Variants in RMND5B observed in about 807,000 individuals in gnomAD.
RMND5B encodes the protein E3 ubiquitin-protein transferase RMND5B.
In RMND5B, 42 loss-of-function variants were observed where a neutral mutation model predicts 50.4. The ratio of observed to expected loss-of-function variants is 0.83; its 90% CI spans 0.65 to 1.08. RMND5B has a LOEUF of 1.08. Among genes scored for constraint, RMND5B ranks in the 50% least tolerant of loss-of-function variants. The pLI, the probability that RMND5B is intolerant of heterozygous loss-of-function variation, is 0.00. For missense variants in RMND5B, 463 were observed against 508.5 expected (o/e 0.91, Z 0.86); for synonymous variants, 220 against 210.0 (o/e 1.05, Z -0.41).
chr5:178,131,471 C>T (rs1263584156), intron 2 of RMND5B, 95 bp downstream of exon 2: 1 of 152,156 alleles, frequency 6.6e-6, no homozygotes, highest in Admixed American at 6.5e-5. Context: ...GGTGAAACTC[C>T]CAGTAGGCGC....
Position 178,142,939 on chromosome 5 carries a change from G to A in RMND5B, c.373G>A (p.Val125Met), listed in dbSNP as rs746984690. ...GCAGCAGATCCTGCAGATGGCCATCGTGGAACACCTGTATCAGCAGGGCAT... is the reference window on the plus strand; with the variant it reads ...GCAGCAGATCCTGCAGATGGCCATCATGGAACACCTGTATCAGCAGGGCAT... Reference protein sequence around the residue: ...QQQQILQMAIVEHLYQQGMLS... With the variant: ...QQQQILQMAIMEHLYQQGMLS... Residue 125 changes from valine (V) to methionine (M), a missense_variant, in exon 5 of 11, where the codon GTG becomes ATG. Transcript: ENST00000313386. 14 of 1,614,214 alleles carry A rather than the reference G, an allele frequency of 8.7e-6. No individual in the cohort carries two copies. The highest frequency in any genetic ancestry group is 2.2e-5 in the East Asian group (1 of 44,882).
At chr5:178,144,364 C>G (rs1755864391) in intron 7 of RMND5B, among the ~76,000 whole-genome samples, 1 of 152,066 alleles carries the variant, frequency 6.6e-6, no homozygotes, top group Non-Finnish European at 1.5e-5. Context: ...TGCGCCACAC[C>G]ACACTCATTT....
rs1454189657 is a variant in RMND5B at position 178,137,188 on chromosome 5, G to T, written c.-12-920G>T. On this transcript the variant is annotated intron_variant, in intron 2 of 10. Transcript: ENST00000313386. This position sits in a 1 kb window ranked among gnomAD's most constrained non-coding sequence, Gnocchi z 4.4. ...GGGCACGCAGCTATGAGACAGCAAG[G>T]GTTCTGTGCCTGTCCTCGGGTGTGC... is the stretch of plus-strand genomic sequence containing the variant. Among the ~76,000 whole-genome samples, 3 of 152,126 alleles carry T rather than the reference G, an allele frequency of 2.0e-5. No individual in the cohort carries two copies. The East Asian group carries it at 5.8e-4, about 29-fold the overall frequency.
chr5:178,138,162 C>T lies in RMND5B; in HGVS notation c.43C>T (p.Leu15=). 2 of 1,613,066 alleles carry T rather than the reference C, an allele frequency of 1.2e-6. No homozygotes were observed. The highest frequency in any genetic ancestry group is 1.7e-6 in the Non-Finnish European group (2 of 1,179,574). The change falls in exon 3 of 11, where the codon CTG becomes TTG. Residue 15 remains leucine (L), a synonymous_variant. Coordinates refer to ENST00000313386, the MANE Select transcript of RMND5B (RefSeq NM_022762.5). This position sits in a 1 kb window ranked among gnomAD's most constrained non-coding sequence, Gnocchi z 5.1. ...CGTGGAGAGAGAGCTGGACAAGGTC[C>T]TGCAGAAGTTCCTGACCTACGGGCA... ...ACVERELDKV[L]QKFLTYGQHC... is the part of the protein sequence containing the mutation.
chr5:178,146,222 T>A lies in RMND5B; in HGVS notation c.803T>A (p.Phe268Tyr). The A allele has an allele frequency of 1.9e-6, 3 of 1,614,186 alleles. No individual in the cohort carries two copies. The highest frequency in any genetic ancestry group is 2.5e-6 in the Non-Finnish European group (3 of 1,180,014). ...CACTGGGCAGAGATCTGTGAGACCT[T>A]TACCCGGGACGCCTGTTCCCTGCTG... is the stretch of plus-strand genomic sequence containing the variant. The part of the protein sequence containing the change: ...SSHWAEICET[F>Y]TRDACSLLGL... Residue 268 changes from phenylalanine (F) to tyrosine (Y), a missense_variant, in exon 8 of 11, where the codon TTT becomes TAT. Coordinates refer to ENST00000313386, the MANE Select transcript of RMND5B (RefSeq NM_022762.5).
chr5:178,140,113 ATTTG>A (rs1758839099), intron 3 of RMND5B, among the ~76,000 whole-genome samples: 1 of 152,156 alleles, frequency 6.6e-6, no homozygotes, highest in African/African-American at 2.4e-5. Flanking sequence ...TTCAGAAGTG[ATTTG>A]TTTCTCAGTG....
chr5:178,146,122 G>GTGAT lies in RMND5B; in HGVS notation c.704_707dup (p.Met236IlefsTer32). ...CTCTGGTTGCCTTGTAGAGATCCAG[G>GTGAT]TGATGATGGGCAGCCTGGTGTACCT... On this transcript the variant is annotated frameshift_variant, in exon 8 of 11. Coordinates refer to ENST00000313386, the MANE Select transcript of RMND5B (RefSeq NM_022762.5). LOFTEE classifies it high-confidence loss of function. 6.2e-7 allele frequency: 1 copy of GTGAT among 1,614,092 alleles called. No individual in the cohort carries two copies. The highest frequency in any genetic ancestry group is 8.5e-7 in the Non-Finnish European group (1 of 1,180,008).
At position 178,146,256 on chromosome 5, in the gene RMND5B, T is replaced by C. The variant is rs1039161392; in HGVS notation, c.837T>C (p.Ser279=). ...TRDACSLLGL[S]VESPLSVSFA... The stretch of plus-strand genomic sequence containing the variant: ...ACGCCTGTTCCCTGCTGGGGCTTTC[T>C]GTGGAGTCCCCCCTTAGCGTCAGGT... The change falls in exon 8 of 11, where the codon TCT becomes TCC. Residue 279 remains serine (S), a synonymous_variant. Coordinates refer to ENST00000313386, the MANE Select transcript of RMND5B (RefSeq NM_022762.5). The C allele has an allele frequency of 1.9e-6, 3 of 1,614,176 alleles. No individual in the cohort carries two copies. In the East Asian group the frequency reaches 6.7e-5, roughly 36 times the overall value.
At position 178,148,474 on chromosome 5, in the gene RMND5B, C is replaced by T. The variant is rs1004185079; in HGVS notation, c.*442C>T. ...CCTCTTCCTCCCACTACAGCCTCAA[C>T]AGTATGTACCATCTCCCACTGTAAA... On this transcript the variant is annotated 3_prime_UTR_variant, in exon 11 of 11. Transcript: ENST00000313386. The T allele has an allele frequency of 3.5e-5, 8 of 231,698 alleles. No individual in the cohort carries two copies. Among genetic ancestry groups the T allele is most frequent in the Non-Finnish European group, 6.9e-5 (8 of 116,134 alleles). The allele number at this position is 231,698 out of a possible 1,614,324, so 14.4% of individuals were successfully genotyped here.
Position 178,150,133 on chromosome 5 carries a change from CCT to C in RMND5B, c.*2102_*2103del, listed in dbSNP as rs1057088435. 33 of 336,266 alleles carry C rather than the reference CCT, an allele frequency of 9.8e-5. No homozygotes were observed. The Admixed American group carries it at 1.1e-3, about 11-fold the overall frequency. The allele number at this position is 336,266 out of a possible 1,614,324, so 20.8% of individuals were successfully genotyped here. A position where few individuals can be genotyped will look rare whatever the true frequency, so the allele number is the denominator to read the frequency against. The stretch of plus-strand genomic sequence containing the variant: ...CACTTCCTGTGCCTCAGATCTGGCC[CCT>C]GTTACGTAAGATAAGGACAGCTACA... On this transcript the variant is annotated 3_prime_UTR_variant, in exon 11 of 11. Coordinates refer to ENST00000313386, the MANE Select transcript of RMND5B (RefSeq NM_022762.5).
intron 2 of RMND5B, among the ~76,000 whole-genome samples, chr5:178,135,572 C>T (rs1758578870): frequency 6.6e-6 from 1 of 152,210 alleles, no homozygotes; most frequent in African/African-American, 2.4e-5. Flanking sequence ...ATAGATGCAT[C>T]CCCCACATTT....
At chr5:178,143,786 C>A in intron 6 of RMND5B, 59 bp downstream of exon 6, 1 of 1,471,854 alleles carries the variant, frequency 6.8e-7, no homozygotes, top group Non-Finnish European at 9.5e-7. Flanking sequence ...GGGCACAGGG[C>A]TTGACTGTGG....
chr5:178,144,473 A>G (rs6601219), intron 7 of RMND5B, among the ~76,000 whole-genome samples: 151,680 of 151,844 alleles, frequency 1, 75,759 homozygotes, highest in Middle Eastern at 1. Flanking sequence ...AAGGCCAGGC[A>G]CGGTGGCTCA....
intron 7 of RMND5B, among the ~76,000 whole-genome samples, chr5:178,145,209 G>C (rs532881499): frequency 1.3e-5 from 2 of 151,580 alleles, no homozygotes; most frequent in African/African-American, 4.8e-5. Context: ...GACACCGGCC[G>C]GGCATGATGG....
At position 178,144,025 on chromosome 5, in the gene RMND5B, T is replaced by A; in HGVS notation, c.611T>A (p.Leu204His). The A allele has an allele frequency of 6.2e-7, 1 of 1,614,248 alleles. No individual in the cohort carries two copies. The highest frequency in any genetic ancestry group is 1.1e-5 in the South Asian group (1 of 91,084). ...FKLHRLHFIR[L>H]LAGGPAKQLE... ...CTGCACCGACTGCACTTCATCCGCC[T>A]CTTGGCAGGAGGCCCCGCGAAGCAG... is the stretch of plus-strand genomic sequence containing the variant. The change falls in exon 7 of 11, where the codon CTC (leucine) becomes CAC (histidine). Residue 204 changes from leucine to histidine, a missense_variant. Physicochemically the swap from Leu to His is moderately conservative, Grantham distance 99. Transcript: ENST00000313386.
intron 3 of RMND5B, chr5:178,142,262 TATGC>T (rs775393830): frequency 1.4e-5 from 4 of 288,742 alleles, no homozygotes; most frequent in Non-Finnish European, 2.6e-5. Context: ...AACAGAATCC[TATGC>T]ATGCTGTAGT....
chr5:178,145,991 C>T (rs1755980072), intron 7 of RMND5B, 123 bp from the exon 8 acceptor site: 5 of 976,998 alleles, frequency 5.1e-6, no homozygotes, highest in Admixed American at 2.7e-5. Context: ...TGCTCAGTCT[C>T]CTCAGGGGCT....
In RMND5B at chr5:178,142,941, G is replaced by GGAA; in HGVS notation, c.376_378dup (p.Glu126dup). The stretch of plus-strand genomic sequence containing the variant: ...AGCAGATCCTGCAGATGGCCATCGT[G>GGAA]GAACACCTGTATCAGCAGGGCATGC... On this transcript the variant is annotated inframe_insertion, in exon 5 of 11. Coordinates refer to ENST00000313386, the MANE Select transcript of RMND5B (RefSeq NM_022762.5). 6.2e-7 allele frequency: 1 copy of GGAA among 1,614,248 alleles called. No homozygotes were observed. Among genetic ancestry groups the GGAA allele is most frequent in the South Asian group, 1.1e-5 (1 of 91,088 alleles).
At chr5:178,139,716 T>C (rs1403625809) in intron 3 of RMND5B, among the ~76,000 whole-genome samples, 2 of 148,580 alleles carry the variant, frequency 1.3e-5, no homozygotes, top group Non-Finnish European at 3.0e-5. Context: ...GCTAATTTTT[T>C]TTTTTTTTTT....
Sources: gnomAD v4.1 joint callset for allele counts (sites outside exome capture counted in the v4.1 genomes callset) on GRCh38, gnomAD v4.1.1 for gene constraint, Gnocchi (gnomAD v3.1) non-coding constraint, MANE v1.5 for transcripts, NCBI Gene and HGNC (gene_info 2026-07-23, HGNC 2026-07-21) for gene names.